The following PTK2 variants were observed in gnomAD, a reference collection of about 807,000 sequenced individuals.
PTK2 encodes protein tyrosine kinase 2, also known as focal adhesion kinase 1.
Under a neutral mutation model 150.1 loss-of-function variants are expected in PTK2, and 45 were observed. The ratio of observed to expected loss-of-function variants is 0.30; its 90% CI spans 0.24 to 0.38. The LOEUF (loss-of-function observed/expected upper bound fraction) is 0.38. Among genes scored for constraint, PTK2 ranks in the 10% least tolerant of loss-of-function variants. The pLI is 1.00. For missense variants in PTK2, 919 were observed against 1,307.3 expected (o/e 0.70, Z 4.58); for synonymous variants, 432 against 449.2 (o/e 0.96, Z 0.48).
chr8:140,899,567 TG>T (rs768234617), intron 2 of PTK2, among the ~76,000 whole-genome samples: 58 of 152,276 alleles, frequency 3.8e-4, no homozygotes, highest in Middle Eastern at 3.4e-3. Context: ...TCAAAAATAT[TG>T]AAGAGGGGAG....
intron 2 of PTK2, chr8:140,909,643 AATAAAT>A (rs767582464): frequency 2.8e-4 from 43 of 152,358 alleles, no homozygotes; most frequent in South Asian, 6.2e-4. Context: ...GAGTTGAAAT[AATAAAT>A]ATAAAGTGTT....
chr8:140,818,135 T>TC, intron 10 of PTK2, 142 bp downstream of exon 10: 1 of 706,364 alleles, frequency 1.4e-6, no homozygotes, highest in South Asian at 1.9e-5. Flanking sequence ...CTCTTACTTG[T>TC]CCCCCACTCC....
intron 14 of PTK2, 196 bp from the exon 15 acceptor site, chr8:140,770,995 T>C: frequency 4.9e-6 from 1 of 204,142 alleles, no homozygotes; most frequent in South Asian, 8.0e-5. Context: ...TATTTTTAAA[T>C]TTAATTTCCT....
intron 1 of PTK2, among the ~76,000 whole-genome samples, chr8:140,959,421 C>T (rs1012224597): frequency 2.7e-5 from 4 of 150,852 alleles, no homozygotes; most frequent in African/African-American, 9.7e-5. Flanking sequence ...TGCCTGTAGT[C>T]CCAGCCACTT....
rs61423469 is a variant in PTK2 at position 140,748,496 on chromosome 8, CAAAA to C, written c.1418-1640_1418-1637del. 3.9e-3 allele frequency among the ~76,000 whole-genome samples: 432 copies of C among 111,522 alleles called. 1 individual carries two copies. The highest frequency in any genetic ancestry group is 4.3e-3 in the African/African-American group (131 of 30,686). The allele number at this position is 111,522 out of a possible 152,430, so 73.2% of individuals were successfully genotyped here. A position where few individuals can be genotyped will look rare whatever the true frequency, so the allele number is the denominator to read the frequency against. On this transcript the variant is annotated intron_variant, in intron 17 of 31. Coordinates refer to ENST00000522684, the Ensembl canonical transcript of PTK2. ...TGGGCGACAGACTGAGACTCTGTCT[CAAAA>C]AAAAAAAAAAAAAAAAAGTTTCCAG...
At chr8:140,807,006 T>C (rs1474031982) in intron 10 of PTK2, among the ~76,000 whole-genome samples, 2 of 152,202 alleles carry the variant, frequency 1.3e-5, no homozygotes, top group Non-Finnish European at 2.9e-5. Context: ...ATTTTATAAC[T>C]AGAAGGAAAG....
intron 14 of PTK2, among the ~76,000 whole-genome samples, chr8:140,788,674 ACT>A (rs1261376985): frequency 6.6e-6 from 1 of 152,114 alleles, no homozygotes; most frequent in African/African-American, 2.4e-5. Flanking sequence ...ACAGAGTGAG[ACT>A]CTGTCTCAAA....
chr8:140,771,614 TAAAG>T (rs1326399737), intron 14 of PTK2, among the ~76,000 whole-genome samples: 3 of 152,060 alleles, frequency 2.0e-5, no homozygotes, highest in East Asian at 3.8e-4. Context: ...CGGGGTATCA[TAAAG>T]AAAGATCAGA....
chr8:140,712,662 T>G (rs1407513393), intron 23 of PTK2, among the ~76,000 whole-genome samples: 4 of 152,128 alleles, frequency 2.6e-5, no homozygotes, highest in Admixed American at 6.5e-5. Context: ...AAGATACTGA[T>G]TTACTGAGCT....
rs1325733157 is a variant in PTK2, at chr8:140,707,945, A to T, written c.2143-1740T>A. On this transcript the variant is annotated intron_variant, in intron 23 of 31. Transcript: ENST00000522684. ...CTGACTGGCTTCTAGTTCCTCACCC[A>T]TAAGATGGGGGTGAGCTACAGGATC... 3.3e-5 allele frequency among the ~76,000 whole-genome samples: 5 copies of T among 152,176 alleles called. No individual in the cohort carries two copies. In the South Asian group the frequency reaches 1.0e-3, roughly 31 times the overall value.
At chr8:140,766,263 C>T (rs2100072208) in intron 14 of PTK2, among the ~76,000 whole-genome samples, 1 of 152,186 alleles carries the variant, frequency 6.6e-6, no homozygotes, top group South Asian at 2.1e-4. Context: ...AAGCCCAAGT[C>T]TATCAGGTGA....
rs954902699 is a variant in PTK2, at chr8:140,848,369, C to A, written c.451-1691G>T. Among the ~76,000 whole-genome samples the A allele has an allele frequency of 2.0e-5, 3 of 152,208 alleles. 1 individual carries two copies. In the South Asian group the frequency reaches 6.2e-4, roughly 31 times the overall value. The stretch of plus-strand genomic sequence containing the variant: ...TGGACAACTATGTGCTATTACTGAT[C>A]TAAGGACTATTCGTCTCAAAACCTT... On this transcript the variant is annotated intron_variant, in intron 5 of 31. Coordinates refer to ENST00000522684, the Ensembl canonical transcript of PTK2.
intron 19 of PTK2, among the ~76,000 whole-genome samples, chr8:140,743,635 C>T (rs768624240): frequency 3.9e-5 from 6 of 152,080 alleles, no homozygotes; most frequent in South Asian, 2.1e-4. Context: ...ATACTACCAA[C>T]GGCATTAACT....
At chr8:140,674,185 A>C (rs1427330148) in intron 29 of PTK2, 113 bp downstream of exon 32, 4 of 1,067,896 alleles carry the variant, frequency 3.7e-6, no homozygotes, top group Non-Finnish European at 5.8e-6. Flanking sequence ...TCCACTCTGC[A>C]CTGTTCTATT....
intron 6 of PTK2, 43 bp from the exon 7 acceptor site, chr8:140,846,365 A>G: frequency 6.3e-7 from 1 of 1,576,624 alleles, no homozygotes; most frequent in Non-Finnish European, 8.7e-7. Flanking sequence ...TATATAAGGA[A>G]TGTTTGTGTT....
intron 16 of PTK2, among the ~76,000 whole-genome samples, chr8:140,760,344 G>C (rs188214119): frequency 2.4e-4 from 37 of 152,252 alleles, no homozygotes; most frequent in African/African-American, 8.4e-4. Context: ...ATCAACTGAT[G>C]AAAGGATAAA....
At chr8:140,748,004 T>C (rs1036463499) in intron 17 of PTK2, among the ~76,000 whole-genome samples, 2 of 152,052 alleles carry the variant, frequency 1.3e-5, no homozygotes, top group African/African-American at 2.4e-5. Flanking sequence ...GGATTAAAAA[T>C]ACCTGGTGGA....
rs73373526 is a variant in PTK2 at position 140,818,165 on chromosome 8, G to A, written c.867+112C>T. On this transcript the variant is annotated intron_variant, in intron 10 of 31. Coordinates refer to ENST00000522684, the Ensembl canonical transcript of PTK2. ...CACTCCACTGAACAATAAATGCAGTGCAATAGGAAAATTTAATTGTAAAAT... is the reference window on the plus strand; with the variant it reads ...CACTCCACTGAACAATAAATGCAGTACAATAGGAAAATTTAATTGTAAAAT... 7.0e-3 allele frequency: 6,899 copies of A among 978,774 alleles called. 153 individuals carry two copies. In the East Asian group the frequency reaches 0.071, roughly 10 times the overall value. 60.6% of individuals were successfully genotyped at this position (978,774 alleles called of 1,614,324 possible).
rs2100170596 is a variant in PTK2 at position 140,928,686 on chromosome 8, C to G, written c.-121-2937G>C. Reference sequence around the variant, plus strand: ...TATGCTAAGTGAAATAAGCCAGTCACAAAAGAATAAATAACATGATTACAC... The same window carrying G: ...TATGCTAAGTGAAATAAGCCAGTCAGAAAAGAATAAATAACATGATTACAC... On this transcript the variant is annotated intron_variant, in intron 1 of 31. Transcript: ENST00000522684. Among the ~76,000 whole-genome samples the G allele has an allele frequency of 2.0e-5, 3 of 152,210 alleles. No individual in the cohort carries two copies. In the South Asian group the frequency reaches 6.2e-4, roughly 32 times the overall value.
Sources: gnomAD v4.1 joint callset for allele counts (sites outside exome capture counted in the v4.1 genomes callset) on GRCh38, gnomAD v4.1.1 for gene constraint, MANE v1.5 for transcripts, NCBI Gene and HGNC (gene_info 2026-07-23, HGNC 2026-07-21) for gene names.